UBE2C: variants seen among roughly 807,000 people sequenced by gnomAD.
UBE2C encodes the protein ubiquitin conjugating enzyme E2 C, also known as ubiquitin-conjugating enzyme E2 C.
Under a neutral mutation model 23.5 loss-of-function variants are expected in UBE2C, and 16 were observed. The ratio of observed to expected loss-of-function variants is 0.68; its 90% CI spans 0.46 to 1.03. The LOEUF (loss-of-function observed/expected upper bound fraction) is 1.03, where lower values mean the gene tolerates loss of function less well. Among genes scored for constraint, UBE2C ranks in the 50% least tolerant of loss-of-function variants. The pLI is 0.00. For missense variants in UBE2C, 192 were observed against 227.6 expected (o/e 0.84, Z 1.01); for synonymous variants, 76 against 91.6 (o/e 0.83, Z 0.97).
In UBE2C at chr20:45,815,365, T is replaced by C. The variant is rs574879843; in HGVS notation, c.217-176T>C. 25 of 1,573,334 alleles carry C rather than the reference T, an allele frequency of 1.6e-5. No homozygotes were observed. The South Asian group carries it at 2.8e-4, about 18-fold the overall frequency. ...GAAACCCTGTCTCTAAAATAAAAACTAAACTAAAAAAACTTTTTAAAAAGG... is the reference window on the plus strand; with the variant it reads ...GAAACCCTGTCTCTAAAATAAAAACCAAACTAAAAAAACTTTTTAAAAAGG... On this transcript the variant is annotated intron_variant, in intron 3 of 5. Transcript: ENST00000356455.
chr20:45,815,759 C>A lies in UBE2C; in HGVS notation c.421+14C>A. On this transcript the variant is annotated intron_variant, in intron 4 of 5. Transcript: ENST00000356455. ...GCCTTCTAGGAGGTGACTTTAGAGA[C>A]CACCCCTCCCCTCCATGCAACTTGG... The A allele has an allele frequency of 1.9e-6, 3 of 1,611,598 alleles. No individual in the cohort carries two copies. The highest frequency in any genetic ancestry group is 1.1e-5 in the South Asian group (1 of 90,990).
At chr20:45,815,417 A>G in intron 3 of UBE2C, 124 bp from the exon 4 acceptor site, 2 of 1,612,430 alleles carry the variant, frequency 1.2e-6, no homozygotes, top group Non-Finnish European at 1.7e-6. Flanking sequence ...AACCAGCTCA[A>G]CAGTTTGTCT....
At chr20:45,812,859 A>G (rs1369468116) in intron 1 of UBE2C, 63 bp downstream of exon 1, 1 of 1,502,034 alleles carries the variant, frequency 6.7e-7, no homozygotes, top group African/African-American at 1.4e-5. Flanking sequence ...ACCCAGAGCA[A>G]AGATTTCTAG....
rs1309632746 is a variant in UBE2C, at chr20:45,814,488, A to C, written c.216+18A>C. 6.3e-7 allele frequency: 1 copy of C among 1,594,320 alleles called. No individual in the cohort carries two copies. The highest frequency in any genetic ancestry group is 1.4e-5 in the African/African-American group (1 of 73,600). On this transcript the variant is annotated intron_variant, in intron 3 of 5. Transcript: ENST00000356455. ...CTGGAACAGTAAGTGTAGGGCTGGG[A>C]TGGGTGAGTGAGTCTGGGGAAAGGT...
At position 45,814,451 on chromosome 20, in the gene UBE2C, T is replaced by C; in HGVS notation, c.197T>C (p.Ile66Thr). 6.2e-7 allele frequency: 1 copy of C among 1,609,732 alleles called. No individual in the cohort carries two copies. The highest frequency in any genetic ancestry group is 8.5e-7 in the Non-Finnish European group (1 of 1,177,624). The change falls in exon 3 of 6, where the codon ATC becomes ACC. Residue 66 changes from isoleucine (I) to threonine (T), a missense_variant. Transcript: ENST00000356455. The part of the protein sequence containing the change: ...SDNLFKWVGT[I>T]HGAAGTVYED... ...AACCTTTTCAAATGGGTAGGGACCA[T>C]CCATGGAGCAGCTGGAACAGTAAGT... is the stretch of plus-strand genomic sequence containing the variant.
intron 1 of UBE2C, 123 bp from the exon 2 acceptor site, chr20:45,813,314 T>G: frequency 6.3e-7 from 1 of 1,592,448 alleles, no homozygotes; most frequent in South Asian, 1.1e-5. Context: ...GAGCTGAGCC[T>G]GACCTTGGTG....
chr20:45,812,647 G>C lies in UBE2C; in HGVS notation c.-49G>C. 1 of 1,545,986 alleles carries C rather than the reference G, an allele frequency of 6.5e-7. No individual in the cohort carries two copies. The highest frequency in any genetic ancestry group is 1.2e-5 in the South Asian group (1 of 83,998). ...GGGCGGGCGGGCCCGCAGTCCTGCA[G>C]TTGCAGTCGTGTTCTCCGAGTTCCT... is the stretch of plus-strand genomic sequence containing the variant. On this transcript the variant is annotated 5_prime_UTR_variant, in exon 1 of 6. Coordinates refer to ENST00000356455, the MANE Select transcript of UBE2C (RefSeq NM_007019.4).
At position 45,815,632 on chromosome 20, in the gene UBE2C, A is replaced by G; in HGVS notation, c.308A>G (p.Tyr103Cys). The G allele has an allele frequency of 1.9e-6, 3 of 1,613,994 alleles. No homozygotes were observed. Among genetic ancestry groups the G allele is most frequent in the East Asian group, 2.2e-5 (1 of 44,872 alleles). ...APTVKFLTPC[Y>C]HPNVDTQGNI... ...ACAGTGAAGTTCCTCACGCCCTGCT[A>G]TCACCCCAACGTGGACACCCAGGGT... is the stretch of plus-strand genomic sequence containing the variant. The change falls in exon 4 of 6, where the codon TAT (tyrosine) becomes TGT (cysteine). Residue 103 changes from tyrosine to cysteine, a missense_variant. Physicochemically the swap from Tyr to Cys is radical, Grantham distance 194 (BLOSUM62 -2). Coordinates refer to ENST00000356455, the MANE Select transcript of UBE2C (RefSeq NM_007019.4).
intron 2 of UBE2C, 106 bp from the exon 3 acceptor site, chr20:45,814,278 A>G (rs1162813934): frequency 1.2e-4 from 5 of 40,410 alleles, no homozygotes; most frequent in Non-Finnish European, 4.0e-4. Context: ...GAGCATATAT[A>G]TATATATATA....
rs562364655 is a variant in UBE2C at position 45,816,812 on chromosome 20, C to A, written c.*45C>A. 1 of 1,539,086 alleles carries A rather than the reference C, an allele frequency of 6.5e-7. No homozygotes were observed. The highest frequency in any genetic ancestry group is 1.4e-5 in the African/African-American group (1 of 72,506). The stretch of plus-strand genomic sequence containing the variant: ...CCTTGTGTCGTCTTTTTAATTTTTC[C>A]TTAGATGGTCTGTCCTTTTTGTGAT... On this transcript the variant is annotated 3_prime_UTR_variant, in exon 6 of 6. Coordinates refer to ENST00000356455, the MANE Select transcript of UBE2C (RefSeq NM_007019.4).
At chr20:45,813,402 A>G (rs748406595) in intron 1 of UBE2C, 35 bp from the exon 2 acceptor site, 3 of 1,614,040 alleles carry the variant, frequency 1.9e-6, no homozygotes, top group Non-Finnish European at 2.5e-6. Flanking sequence ...TGGCCCATCC[A>G]GACTCCCAGG....
chr20:45,815,962 A>C (rs369311821), intron 5 of UBE2C, 49 bp downstream of exon 5: 32 of 1,597,380 alleles, frequency 2.0e-5, no homozygotes, highest in Non-Finnish European at 2.6e-5. Flanking sequence ...CCAACCTTCA[A>C]AGGCTCCCTC....
chr20:45,815,562 A>G lies in UBE2C; in HGVS notation c.238A>G (p.Lys80Glu). ...AGTVYEDLRY[K>E]LSLEFPSGYP... ...CCAGGTATATGAAGACCTGAGGTAT[A>G]AGCTCTCGCTAGAGTTCCCCAGTGG... The change falls in exon 4 of 6, where the codon AAG becomes GAG. Residue 80 changes from lysine (K) to glutamate (E), a missense_variant. Physicochemically the swap from Lys to Glu is moderately conservative, Grantham distance 56. Coordinates refer to ENST00000356455, the MANE Select transcript of UBE2C (RefSeq NM_007019.4). 6.2e-7 allele frequency: 1 copy of G among 1,614,016 alleles called. No homozygotes were observed. The highest frequency in any genetic ancestry group is 1.1e-5 in the South Asian group (1 of 91,068).
intron 2 of UBE2C, among the ~76,000 whole-genome samples, chr20:45,814,160 A>G (rs1405096302): frequency 6.7e-6 from 1 of 148,894 alleles, no homozygotes; most frequent in African/African-American, 2.5e-5. Context: ...ATATATATAT[A>G]TGTAAATATA....
chr20:45,814,271 C>CGCATATAT (rs1373426548), intron 2 of UBE2C, 113 bp from the exon 3 acceptor site: 1 of 339,610 alleles, frequency 2.9e-6, no homozygotes, highest in Admixed American at 4.2e-5. Flanking sequence ...TGTATGTGAG[C>CGCATATAT]ATATATATAT....
intron 2 of UBE2C, 64 bp from the exon 3 acceptor site, chr20:45,814,320 C>A: frequency 3.9e-6 from 4 of 1,027,044 alleles, no homozygotes; most frequent in South Asian, 1.6e-5. Context: ...GGAAAGCTCA[C>A]CCACTGACCT....
intron 2 of UBE2C, 27 bp from the exon 3 acceptor site, chr20:45,814,357 A>G (rs761095928): frequency 3.2e-6 from 5 of 1,584,968 alleles, no homozygotes; most frequent in African/African-American, 2.8e-5. Flanking sequence ...TGTACTCCAC[A>G]TTCCAACAAA....
rs767520518 is a variant in UBE2C at position 45,815,656 on chromosome 20, G to A, written c.332G>A (p.Gly111Asp). 6.2e-7 allele frequency: 1 copy of A among 1,614,124 alleles called. No homozygotes were observed. Among genetic ancestry groups the A allele is most frequent in the Admixed American group, 1.7e-5 (1 of 60,024 alleles). ...TATCACCCCAACGTGGACACCCAGGGTAACATATGCCTGGACATCCTGAAG... is the reference window on the plus strand; with the variant it reads ...TATCACCCCAACGTGGACACCCAGGATAACATATGCCTGGACATCCTGAAG... ...PCYHPNVDTQ[G>D]NICLDILKEK... The change falls in exon 4 of 6, where the codon GGT (glycine) becomes GAT (aspartate). Residue 111 changes from glycine to aspartate, a missense_variant. Physicochemically the swap from Gly to Asp is moderately conservative, Grantham distance 94. Transcript: ENST00000356455.
At chr20:45,814,142 CTCTCTA>C (rs1338774970) in intron 2 of UBE2C, among the ~76,000 whole-genome samples, 4 of 146,506 alleles carry the variant, frequency 2.7e-5, no homozygotes, top group Middle Eastern at 3.5e-3. Flanking sequence ...CTCTCTCTCT[CTCTCTA>C]TATATATATA....
Sources: allele counts gnomAD v4.1 joint callset (sites outside exome capture counted in the v4.1 genomes callset), GRCh38; gene constraint gnomAD v4.1.1; transcripts MANE v1.5; gene names NCBI Gene and HGNC (gene_info 2026-07-23, HGNC 2026-07-21).